The following GLIS1 variants were observed in gnomAD, a reference collection of about 807,000 sequenced individuals.
GLIS1 encodes zinc finger protein GLIS1.
GLIS1 carries 24 observed loss-of-function variants against 63.8 expected under a neutral mutation model. The observed-to-expected ratio is 0.38, with a 90% CI of 0.27 to 0.53. The LOEUF is 0.53. Among genes scored for constraint, GLIS1 ranks in the 20% least tolerant of loss-of-function variants. GLIS1 has a pLI of 0.85. For synonymous variants in GLIS1, 450 were observed against 482.5 expected, an observed-to-expected ratio of 0.93 and a Z score of 0.88; for missense variants, 1,036 against 1,074.1, an observed-to-expected ratio of 0.96 and a Z score of 0.50.
At chr1:53,512,229 G>A (rs1200962632) in intron 8 of GLIS1, among the ~76,000 whole-genome samples, 1 of 152,150 alleles carries the variant, frequency 6.6e-6, no homozygotes, top group South Asian at 2.1e-4. Context: ...AGGCAAAAAA[G>A]ATCTTCTGGA....
intron 4 of GLIS1, among the ~76,000 whole-genome samples, chr1:53,593,229 TCCAGCTCTGCC>T (rs1645210534): frequency 1.3e-5 from 2 of 152,346 alleles, no homozygotes; most frequent in South Asian, 2.1e-4. Flanking sequence ...CACCCTGAGG[TCCAGCTCTGCC>T]GTTTCTGGGC....
At chr1:53,528,837 G>C (rs1013326117) in intron 5 of GLIS1, among the ~76,000 whole-genome samples, 13 of 152,248 alleles carry the variant, frequency 8.5e-5, no homozygotes, top group East Asian at 5.8e-4. Flanking sequence ...CCAAACACCT[G>C]CAGGAAGCAT....
chr1:53,633,488 AGT>A (rs1645691910), intron 2 of GLIS1, among the ~76,000 whole-genome samples: 1 of 145,634 alleles, frequency 6.9e-6, no homozygotes, highest in African/African-American at 2.5e-5. Flanking sequence ...TGTGTGAATG[AGT>A]GTGGCTGAGG....
chr1:53,604,599 C>A (rs1379094760), intron 2 of GLIS1, among the ~76,000 whole-genome samples: 1 of 152,196 alleles, frequency 6.6e-6, no homozygotes, highest in Non-Finnish European at 1.5e-5. Flanking sequence ...TAACCACAAG[C>A]AGACTTTATT....
chr1:53,687,711 C>G (rs930943571), intron 2 of GLIS1, among the ~76,000 whole-genome samples: 21 of 152,336 alleles, frequency 1.4e-4, no homozygotes, highest in Non-Finnish European at 3.1e-4. Flanking sequence ...CTAGCCACCT[C>G]CTTCACGAAG....
At chr1:53,700,645 A>G (rs188657165) in intron 2 of GLIS1, among the ~76,000 whole-genome samples, 2 of 152,230 alleles carry the variant, frequency 1.3e-5, no homozygotes, top group East Asian at 3.9e-4. Context: ...ATATCACAAG[A>G]TTCACCCTTT....
intron 2 of GLIS1, among the ~76,000 whole-genome samples, chr1:53,654,588 G>A (rs929795683): frequency 1.3e-5 from 2 of 152,220 alleles, no homozygotes; most frequent in Non-Finnish European, 2.9e-5. Flanking sequence ...CAGTGAGATG[G>A]TGGGGAACCA....
At chr1:53,689,094 T>C (rs1054142465) in intron 2 of GLIS1, among the ~76,000 whole-genome samples, 10 of 152,344 alleles carry the variant, frequency 6.6e-5, no homozygotes, top group Admixed American at 3.9e-4. Flanking sequence ...ATGGTCTCCT[T>C]ACACTCCACC....
rs1052340591 is a variant in GLIS1, at chr1:53,737,986, G to T, written c.79C>A (p.Pro27Thr). 3.7e-4 allele frequency: 458 copies of T among 1,230,434 alleles called. 1 individual carries two copies. Among genetic ancestry groups the T allele is most frequent in the Non-Finnish European group, 4.5e-4 (444 of 987,072 alleles). 76.2% of individuals were successfully genotyped at this position (1,230,434 alleles called of 1,614,324 possible). The change falls in exon 2 of 11, where the codon CCC (proline) becomes ACC (threonine). Residue 27 changes from proline to threonine, a missense_variant. Pro to Thr is a conservative substitution (Grantham distance 38, BLOSUM62 -1). Transcript: ENST00000628545. ...GCCATGTGCGCGCCGAGGCTGGCGGGGCCGCGGTCGGGGCCGGGCGCACCA... is the reference window on the plus strand; with the variant it reads ...GCCATGTGCGCGCCGAGGCTGGCGGTGCCGCGGTCGGGGCCGGGCGCACCA... Reference protein sequence around the residue: ...APGAPGPDRGPASLGAHMAFR... With the variant: ...APGAPGPDRGTASLGAHMAFR...
intron 2 of GLIS1, among the ~76,000 whole-genome samples, chr1:53,605,937 A>G (rs12563871): frequency 0.53 from 81,004 of 152,076 alleles, 24,621 homozygotes; most frequent in Admixed American, 0.69. Flanking sequence ...TATGCCAGAC[A>G]CTGTGACTTA....
chr1:53,685,704 T>C (rs564387439), intron 2 of GLIS1, among the ~76,000 whole-genome samples: 16 of 152,222 alleles, frequency 1.1e-4, no homozygotes, highest in Non-Finnish European at 2.2e-4. Context: ...TCACATCCAG[T>C]CAGTTGTCAG....
At chr1:53,648,967 T>C (rs991528577) in intron 2 of GLIS1, among the ~76,000 whole-genome samples, 6 of 152,254 alleles carry the variant, frequency 3.9e-5, no homozygotes, top group Admixed American at 6.5e-5. Flanking sequence ...TACTTTTCTA[T>C]ATACAGTTGA....
At chr1:53,620,485 G>A (rs1645531209) in intron 2 of GLIS1, among the ~76,000 whole-genome samples, 1 of 152,226 alleles carries the variant, frequency 6.6e-6, no homozygotes, top group Non-Finnish European at 1.5e-5. Flanking sequence ...CCAAGCACAG[G>A]GACCCCGTCG....
intron 2 of GLIS1, among the ~76,000 whole-genome samples, chr1:53,685,400 C>T (rs576238434): frequency 5.3e-4 from 80 of 152,338 alleles, no homozygotes; most frequent in African/African-American, 1.9e-3. Flanking sequence ...TATTATCCCC[C>T]GTCAGCGCTG....
rs1202306761 is a variant in GLIS1 at position 53,574,836 on chromosome 1, G to A, written c.1320+19272C>T. 6.6e-6 allele frequency among the ~76,000 whole-genome samples: 1 copy of A among 152,198 alleles called. No individual in the cohort carries two copies. Among genetic ancestry groups the A allele is most frequent in the African/African-American group, 2.4e-5 (1 of 41,444 alleles). ...GGCAGGAGGGCTGAGTTTAGTCAAGGTTTGGCCACAGGCCCGTTGGAGGGA... is the reference window on the plus strand; with the variant it reads ...GGCAGGAGGGCTGAGTTTAGTCAAGATTTGGCCACAGGCCCGTTGGAGGGA... On this transcript the variant is annotated intron_variant, in intron 4 of 10. Transcript: ENST00000628545. This position sits in a 1 kb window ranked among gnomAD's most constrained non-coding sequence, Gnocchi z 4.2.
rs189968279 is a variant in GLIS1 at position 53,517,970 on chromosome 1, C to T, written c.1726+2664G>A. On this transcript the variant is annotated intron_variant, in intron 7 of 10. Transcript: ENST00000628545. ...AGGGGCAGCGGAAGTGGGGACGCCA[C>T]GGGGCCTGATGGGCTCTCCCCAAAA... Among the ~76,000 whole-genome samples the T allele has an allele frequency of 5.3e-5, 8 of 152,346 alleles. No homozygotes were observed. In the East Asian group the frequency reaches 1.2e-3, roughly 22 times the overall value.
intron 2 of GLIS1, among the ~76,000 whole-genome samples, chr1:53,607,021 T>C (rs1645377474): frequency 6.6e-6 from 1 of 152,198 alleles, no homozygotes; most frequent in African/African-American, 2.4e-5. Context: ...GGCAGGTGTA[T>C]GGTGTGTGTA....
intron 2 of GLIS1, among the ~76,000 whole-genome samples, chr1:53,684,269 A>G (rs1180281599): frequency 6.6e-6 from 1 of 152,140 alleles, no homozygotes; most frequent in African/African-American, 2.4e-5. Flanking sequence ...GGGCCTCCCC[A>G]GAACTCAACA....
intron 6 of GLIS1, among the ~76,000 whole-genome samples, chr1:53,522,494 C>T (rs1285614133): frequency 2.0e-5 from 3 of 152,182 alleles, no homozygotes; most frequent in East Asian, 1.9e-4. Context: ...CCACTCAGGC[C>T]CTCAACCTGA....
Sources: allele counts gnomAD v4.1 joint callset (sites outside exome capture counted in the v4.1 genomes callset), GRCh38; gene constraint gnomAD v4.1.1; non-coding constraint Gnocchi (gnomAD v3.1); transcripts MANE v1.5; gene names NCBI Gene and HGNC (gene_info 2026-07-23, HGNC 2026-07-21).